Variants in FMN2 observed in about 807,000 individuals in gnomAD.
FMN2 encodes formin 2, also known as formin-2.
In FMN2, 51 loss-of-function variants were observed where a neutral mutation model predicts 142.3. That is an observed-to-expected ratio of 0.36 (90% confidence interval 0.29 to 0.45). The LOEUF is 0.45. FMN2 is among the 20% of genes least tolerant of loss of function. FMN2 has a pLI of 1.00. For missense variants in FMN2, 1,936 were observed against 2,122.8 expected (o/e 0.91, Z 1.73); for synonymous variants, 882 against 869.8 (o/e 1.01, Z -0.25).
chr1:240,290,775 G>GGTTTTTTTTTTTTTT (rs1669752173), intron 7 of FMN2, among the ~76,000 whole-genome samples: 1 of 105,362 alleles, frequency 9.5e-6, no homozygotes, highest in African/African-American at 4.2e-5. Context: ...ATGTCTGTTT[G>GGTTTTTTTTTTTTTT]TTTGGTTTTT....
At chr1:240,424,101 T>C (rs1047390654) in intron 15 of FMN2, among the ~76,000 whole-genome samples, 3 of 152,186 alleles carry the variant, frequency 2.0e-5, no homozygotes, top group Non-Finnish European at 4.4e-5. Context: ...TTGATTCTGA[T>C]ACGTCTGTTA....
chr1:240,232,290 C>A (rs1667555093), intron 6 of FMN2, among the ~76,000 whole-genome samples: 1 of 138,068 alleles, frequency 7.2e-6, no homozygotes, highest in African/African-American at 2.7e-5. Flanking sequence ...CAGGGTTTCA[C>A]AATGTTGGCC....
intron 5 of FMN2, among the ~76,000 whole-genome samples, chr1:240,209,146 T>C (rs558230670): frequency 6.6e-6 from 1 of 152,294 alleles, no homozygotes; most frequent in South Asian, 2.1e-4. Context: ...GAGACATTTG[T>C]AGCGAAATTA....
chr1:240,307,459 A>C (rs915152864), intron 8 of FMN2, among the ~76,000 whole-genome samples: 1 of 152,180 alleles, frequency 6.6e-6, no homozygotes, highest in African/African-American at 2.4e-5. Flanking sequence ...ATTCTTCTGC[A>C]TATGGTTAGC....
chr1:240,423,534 T>G (rs1334498683), intron 15 of FMN2, among the ~76,000 whole-genome samples: 1 of 152,242 alleles, frequency 6.6e-6, no homozygotes, highest in African/African-American at 2.4e-5. Context: ...ATGGATTAAA[T>G]TAAGTTATAC....
intron 15 of FMN2, among the ~76,000 whole-genome samples, chr1:240,431,407 T>TATATATAC (rs1558487494): frequency 4.8e-5 from 7 of 145,670 alleles, no homozygotes; most frequent in African/African-American, 1.8e-4. Context: ...ATGTTTTATA[T>TATATATAC]ATATATATAT....
intron 13 of FMN2, among the ~76,000 whole-genome samples, chr1:240,354,488 A>G (rs1407903611): frequency 6.6e-6 from 1 of 152,192 alleles, no homozygotes; most frequent in Non-Finnish European, 1.5e-5. Flanking sequence ...GTCTGGAGCT[A>G]TGAAATACAT....
chr1:240,107,299 A>G (rs144132517), intron 1 of FMN2, among the ~76,000 whole-genome samples: 1 of 152,230 alleles, frequency 6.6e-6, no homozygotes, highest in East Asian at 1.9e-4. Flanking sequence ...GACCACTGAT[A>G]TTCTTTCCAG....
chr1:240,172,374 G>A (rs1364948774), intron 2 of FMN2, among the ~76,000 whole-genome samples: 19 of 152,312 alleles, frequency 1.2e-4, no homozygotes, highest in Admixed American at 9.8e-4. Flanking sequence ...TGCTGGTTAA[G>A]TAGAGATGAT....
Position 240,208,678 on chromosome 1 carries a change from C to G in FMN2, c.3866C>G (p.Pro1289Arg). Reference protein sequence around the residue: ...DKGSRKQPIEPCRPMKPLYWT... With the variant: ...DKGSRKQPIERCRPMKPLYWT... ...GGGAGTAGGAAGCAGCCCATAGAGC[C>G]TTGTCGACCAATGAAGCCTCTTTAC... The change falls in exon 5 of 18, where the codon CCT (proline) becomes CGT (arginine). Residue 1289 changes from proline to arginine, a missense_variant. By Grantham distance (103) the Pro-to-Arg change is moderately radical. Transcript: ENST00000319653. 6.2e-7 allele frequency: 1 copy of G among 1,613,798 alleles called. No individual in the cohort carries two copies. Among genetic ancestry groups the G allele is most frequent in the Admixed American group, 1.7e-5 (1 of 60,012 alleles).
intron 6 of FMN2, among the ~76,000 whole-genome samples, chr1:240,235,177 G>A (rs1400544160): frequency 6.6e-6 from 1 of 152,200 alleles, no homozygotes; most frequent in African/African-American, 2.4e-5. Flanking sequence ...GGGAAAAGAT[G>A]AAGTCTAAGA....
intron 14 of FMN2, among the ~76,000 whole-genome samples, chr1:240,369,551 C>T (rs574983990): frequency 6.6e-6 from 1 of 152,162 alleles, no homozygotes; most frequent in East Asian, 1.9e-4. Context: ...GTGTGAACTC[C>T]GGATTGTAAA....
chr1:240,371,249 T>C (rs566580124), intron 14 of FMN2, among the ~76,000 whole-genome samples: 1 of 152,266 alleles, frequency 6.6e-6, no homozygotes, highest in Admixed American at 6.5e-5. Flanking sequence ...CATGAGCCAC[T>C]GCGCCTGACC....
intron 15 of FMN2, among the ~76,000 whole-genome samples, chr1:240,393,709 G>A (rs945840876): frequency 2.0e-5 from 3 of 152,166 alleles, no homozygotes; most frequent in African/African-American, 7.2e-5. Context: ...TGAATGCAAA[G>A]AAAAAGTTCT....
intron 16 of FMN2, among the ~76,000 whole-genome samples, chr1:240,445,409 T>C (rs1675771379): frequency 6.6e-6 from 1 of 152,142 alleles, no homozygotes; most frequent in Non-Finnish European, 1.5e-5. Context: ...TTAGAGAGGT[T>C]GGTCAGAGGA....
rs1558435699 is a variant in FMN2, at chr1:240,328,164, A to AG, written c.4216-912_4216-911insG. 6.0e-3 allele frequency among the ~76,000 whole-genome samples: 896 copies of AG among 148,950 alleles called. 17 individuals are homozygous for AG. The highest frequency in any genetic ancestry group is 0.021 in the African/African-American group (849 of 40,214). ...CCCCATCTCAAAAAAAAAAAAAAAA[A>AG]AAAAAAAAGAAAAAGAAAATCCAGC... On this transcript the variant is annotated intron_variant, in intron 8 of 17. Coordinates refer to ENST00000319653, the MANE Select transcript of FMN2 (RefSeq NM_020066.5).
At chr1:240,149,498 T>A (rs1663671661) in intron 2 of FMN2, among the ~76,000 whole-genome samples, 1 of 152,220 alleles carries the variant, frequency 6.6e-6, no homozygotes, top group Non-Finnish European at 1.5e-5. Context: ...TGATTTTTAT[T>A]TTCCCCATTT....
chr1:240,210,774 A>G (rs1305692454), intron 5 of FMN2, among the ~76,000 whole-genome samples: 2 of 152,076 alleles, frequency 1.3e-5, no homozygotes, highest in African/African-American at 2.4e-5. Flanking sequence ...GAGATCAGAC[A>G]TTTCTTGCCT....
intron 3 of FMN2, among the ~76,000 whole-genome samples, chr1:240,181,864 C>T (rs1665167685): frequency 6.6e-6 from 1 of 152,300 alleles, no homozygotes; most frequent in East Asian, 1.9e-4. Context: ...CCCACCCATC[C>T]ATGGCTGTTT....
Sources: gnomAD v4.1 joint callset for allele counts (sites outside exome capture counted in the v4.1 genomes callset) on GRCh38, gnomAD v4.1.1 for gene constraint, MANE v1.5 for transcripts, NCBI Gene and HGNC (gene_info 2026-07-23, HGNC 2026-07-21) for gene names.